The following SELENOO variants were observed in gnomAD, a reference collection of about 807,000 sequenced individuals.
The protein encoded by SELENOO is selenoprotein O, also known as protein adenylyltransferase SelO, mitochondrial.
In SELENOO, 74 loss-of-function variants were observed where a neutral mutation model predicts 58.7. The ratio of observed to expected loss-of-function variants is 1.26; its 90% CI spans 1.04 to 1.53. The LOEUF (loss-of-function observed/expected upper bound fraction) is 1.53, where lower values mean the gene tolerates loss of function less well. Ranked by LOEUF, SELENOO falls within the 40% of genes most tolerant of loss-of-function variation. The probability of loss-of-function intolerance (pLI) is 0.00; values close to 1 mark genes in which losing one functional copy is unlikely to be tolerated. For synonymous variants in SELENOO, 543 were observed against 453.2 expected (o/e 1.20, Z -2.52); for missense variants, 1,149 against 970.0 (o/e 1.18, Z -2.45).
chr22:50,208,020 G>C (rs1350438201), intron 2 of SELENOO, among the ~76,000 whole-genome samples: 1 of 151,314 alleles, frequency 6.6e-6, no homozygotes, highest in African/African-American at 2.4e-5. Context: ...TCAGTGGCTG[G>C]ATGTTGACCA....
rs1158444650 is a variant in SELENOO at position 50,201,024 on chromosome 22, AG to A, written c.-12del. 1 of 1,222,076 alleles carries A rather than the reference AG, an allele frequency of 8.2e-7. No individual in the cohort carries two copies. Among genetic ancestry groups the A allele is most frequent in the Admixed American group, 4.4e-5 (1 of 22,906 alleles). 75.7% of individuals were successfully genotyped at this position (1,222,076 alleles called of 1,614,324 possible). On this transcript the variant is annotated 5_prime_UTR_variant, in exon 1 of 9. Coordinates refer to ENST00000380903, the MANE Select transcript of SELENOO (RefSeq NM_031454.2). ...GCGGGGCAGGCTGGCTTCCGGCGGG[AG>A]CGGGGCCGCGGATGGCCGTATACAG... is the stretch of plus-strand genomic sequence containing the variant.
At position 50,217,586 on chromosome 22, in the gene SELENOO, A is replaced by G; in HGVS notation, c.*217A>G. ...AGCCTGGTCCCTGGGGGCTGGACCC[A>G]GGCTCCTAAATAAACCAGCAACTCC... is the stretch of plus-strand genomic sequence containing the variant. On this transcript the variant is annotated 3_prime_UTR_variant, in exon 9 of 9. Coordinates refer to ENST00000380903, the MANE Select transcript of SELENOO (RefSeq NM_031454.2). 1.0e-6 allele frequency: 1 copy of G among 966,902 alleles called. No individual in the cohort carries two copies. Among genetic ancestry groups the G allele is most frequent in the Non-Finnish European group, 1.5e-6 (1 of 662,504 alleles). The allele number at this position is 966,902 out of a possible 1,614,324, so 59.9% of individuals were successfully genotyped here.
chr22:50,206,678 T>G (rs2064335150), intron 2 of SELENOO, among the ~76,000 whole-genome samples, 158 bp downstream of exon 2: 1 of 152,234 alleles, frequency 6.6e-6, no homozygotes, highest in Non-Finnish European at 1.5e-5. Context: ...AGAAGCTGCC[T>G]GTCCGCGAAG....
At chr22:50,205,727 TGAGGCC>T (rs1177436616) in intron 1 of SELENOO, 1 of 153,732 alleles carries the variant, frequency 6.5e-6, no homozygotes, top group East Asian at 1.9e-4. Flanking sequence ...CTGCAGGACA[TGAGGCC>T]GAGGCCGGGG....
rs773688605 is a variant in SELENOO, at chr22:50,201,489, G to C, written c.453G>C (p.Gln151His). Residue 151 changes from glutamine to histidine, a missense_variant, in exon 1 of 9, where the codon CAG becomes CAC. Gln to His is a conservative substitution (Grantham distance 24). Transcript: ENST00000380903. ...ACCAATTCGGCCAGTTCGCCGGGCAGCTGGGCGACGGCGCCGCCATGTACC... is the reference window on the plus strand; with the variant it reads ...ACCAATTCGGCCAGTTCGCCGGGCACCTGGGCGACGGCGCCGCCATGTACC... ...CGHQFGQFAG[Q>H]LGDGAAMYLG... 5 of 1,425,272 alleles carry C rather than the reference G, an allele frequency of 3.5e-6. No homozygotes were observed. The South Asian group carries it at 5.5e-5, about 16-fold the overall frequency. 88.3% of individuals were successfully genotyped at this position (1,425,272 alleles called of 1,614,324 possible).
At chr22:50,216,913 G>C (rs773497869) in intron 7 of SELENOO, 37 bp downstream of exon 7, 18 of 1,601,970 alleles carry the variant, frequency 1.1e-5, no homozygotes, top group Non-Finnish European at 1.5e-5. Context: ...GGGACGGCGG[G>C]TCGCGTGCTG....
At position 50,217,108 on chromosome 22, in the gene SELENOO, G is replaced by T. The variant is rs201382367; in HGVS notation, c.1825G>T (p.Glu609Ter). The change falls in exon 8 of 9, where the codon GAG becomes TAG. Residue 609 changes from glutamate (E) to a stop codon, truncating the protein, a stop_gained. Transcript: ENST00000380903. LOFTEE classifies it low-confidence loss of function (END_TRUNC). The stretch of plus-strand genomic sequence containing the variant: ...CGCGCAGAATGCCATCGAGGCTGCC[G>T]AGCGCGGGGACTTCTCAGAGGCAAG... Reference protein sequence around the residue: ...YIAQNAIEAAERGDFSEVRRV... With the variant: ...YIAQNAIEAA 6.2e-7 allele frequency: 1 copy of T among 1,612,874 alleles called. No individual in the cohort carries two copies. Among genetic ancestry groups the T allele is most frequent in the Non-Finnish European group, 8.5e-7 (1 of 1,179,932 alleles).
chr22:50,216,817 T>C lies in SELENOO; in HGVS notation c.1629T>C (p.Ser543=). 2 of 1,608,248 alleles carry C rather than the reference T, an allele frequency of 1.2e-6. No individual in the cohort carries two copies. Among genetic ancestry groups the C allele is most frequent in the Non-Finnish European group, 1.7e-6 (2 of 1,179,770 alleles). ...AGCAGTCTCGGCTGGAGCAGCTGAG[T>C]GCGGCAGAGCTGCAGAGCAGGAACC... ...VEQQSRLEQL[S]AAELQSRNQG... is the part of the protein sequence containing the mutation. The change falls in exon 7 of 9, where the codon AGT becomes AGC. Residue 543 remains serine (S), a synonymous_variant. Coordinates refer to ENST00000380903, the MANE Select transcript of SELENOO (RefSeq NM_031454.2).
intron 5 of SELENOO, among the ~76,000 whole-genome samples, chr22:50,211,148 T>C (rs1182261237): frequency 6.6e-6 from 1 of 152,196 alleles, no homozygotes; most frequent in Non-Finnish European, 1.5e-5. Flanking sequence ...CATAAGGTCC[T>C]CAATGTTCAC....
At chr22:50,207,002 A>C (rs1435735084) in intron 2 of SELENOO, among the ~76,000 whole-genome samples, 2 of 152,192 alleles carry the variant, frequency 1.3e-5, no homozygotes, top group Non-Finnish European at 2.9e-5. Flanking sequence ...GCCACTGAAG[A>C]AGCAGGAGCC....
At chr22:50,210,448 A>G in intron 4 of SELENOO, 137 bp downstream of exon 4, 1 of 1,353,728 alleles carries the variant, frequency 7.4e-7, no homozygotes, top group Non-Finnish European at 1.0e-6. Flanking sequence ...TGTAGGAAGT[A>G]GAGAGTCCAG....
At chr22:50,205,531 C>T (rs1173996070) in intron 1 of SELENOO, 1 of 152,244 alleles carries the variant, frequency 6.6e-6, no homozygotes, top group East Asian at 1.9e-4. Flanking sequence ...TGCCACTGCA[C>T]TCCAGGCCAA....
intron 8 of SELENOO, 30 bp downstream of exon 8, chr22:50,217,158 G>A (rs757387276): frequency 2.5e-6 from 4 of 1,611,048 alleles, no homozygotes; most frequent in Admixed American, 3.3e-5. Flanking sequence ...TGTGGTCCCT[G>A]GGAGGGGGGT....
At chr22:50,204,929 C>T (rs1443976998) in intron 1 of SELENOO, among the ~76,000 whole-genome samples, 2 of 152,228 alleles carry the variant, frequency 1.3e-5, no homozygotes, top group East Asian at 3.8e-4. Flanking sequence ...AAAGAAGATG[C>T]TGATATGCTA....
rs1416712585 is a variant in SELENOO, at chr22:50,208,618, G to A, written c.841G>A (p.Val281Met). The stretch of plus-strand genomic sequence containing the variant: ...CAGCGTGGGGAGGAACGACATTCGA[G>A]TGCAGCTGCTCGACTATGTCATCAG... ...GPSVGRNDIR[V>M]QLLDYVISSF... Residue 281 changes from valine to methionine, a missense_variant, in exon 3 of 9, where the codon GTG becomes ATG. Val to Met is a conservative substitution (Grantham distance 21, BLOSUM62 1). Transcript: ENST00000380903. 1 of 1,613,972 alleles carries A rather than the reference G, an allele frequency of 6.2e-7. No individual in the cohort carries two copies. The highest frequency in any genetic ancestry group is 8.5e-7 in the Non-Finnish European group (1 of 1,180,018).
At chr22:50,208,400 A>G in intron 2 of SELENOO, 136 bp from the exon 3 acceptor site, 1 of 765,144 alleles carries the variant, frequency 1.3e-6, no homozygotes, top group Non-Finnish European at 2.0e-6. Flanking sequence ...ACTGCACTCC[A>G]GCCTGGACAA....
rs780037215 is a variant in SELENOO at position 50,210,827 on chromosome 22, C to T, written c.1267C>T (p.Arg423Cys). 2.4e-5 allele frequency: 39 copies of T among 1,613,942 alleles called. No homozygotes were observed. In the Admixed American group the frequency reaches 3.3e-4, roughly 14 times the overall value. ...EFQRHYLQKM[R>C]RKLGLVQVEL... is the part of the protein sequence containing the mutation. ...CCAAAGGCACTACCTGCAGAAGATGCGCAGGAAGCTGGGCCTCGTGCAGGT... is the reference window on the plus strand; with the variant it reads ...CCAAAGGCACTACCTGCAGAAGATGTGCAGGAAGCTGGGCCTCGTGCAGGT... The change falls in exon 5 of 9, where the codon CGC becomes TGC. Residue 423 changes from arginine to cysteine, a missense_variant. By Grantham distance (180) the Arg-to-Cys change is radical (BLOSUM62 -3). Coordinates refer to ENST00000380903, the MANE Select transcript of SELENOO (RefSeq NM_031454.2).
At chr22:50,203,161 G>A (rs1925170102) in intron 1 of SELENOO, among the ~76,000 whole-genome samples, 1 of 152,166 alleles carries the variant, frequency 6.6e-6, no homozygotes, top group Non-Finnish European at 1.5e-5. Context: ...ATTGCTTAAG[G>A]CCAGGAGTTG....
chr22:50,211,959 G>A (rs574242744), intron 5 of SELENOO, among the ~76,000 whole-genome samples: 6 of 152,296 alleles, frequency 3.9e-5, no homozygotes, highest in African/African-American at 7.2e-5. Flanking sequence ...CACCTCAGCC[G>A]CCCAAAGTAC....
Sources: allele counts gnomAD v4.1 joint callset (sites outside exome capture counted in the v4.1 genomes callset), GRCh38; gene constraint gnomAD v4.1.1; transcripts MANE v1.5; gene names NCBI Gene and HGNC (gene_info 2026-07-23, HGNC 2026-07-21).